The following OSBP2 variants were observed in gnomAD, a reference collection of about 807,000 sequenced individuals.
OSBP2 encodes the protein oxysterol-binding protein 2.
A neutral mutation model predicts 96.0 loss-of-function variants in OSBP2; 66 were observed. The observed-to-expected ratio is 0.69, with a 90% confidence interval of 0.56 to 0.84. The LOEUF is 0.84. OSBP2 is among the 40% of genes least tolerant of loss of function. OSBP2 has a pLI of 0.00. For synonymous variants in OSBP2, 525 were observed against 520.9 expected (o/e 1.01, Z -0.11); for missense variants, 1,038 against 1,222.7 (o/e 0.85, Z 2.25).
chr22:30,716,051 T>A lies in OSBP2; in HGVS notation c.644+20498T>A, dbSNP rs1269946343. Among the ~76,000 whole-genome samples the A allele has an allele frequency of 4.0e-5, 6 of 151,184 alleles. No homozygotes were observed. In the East Asian group the frequency reaches 7.8e-4, roughly 20 times the overall value. On this transcript the variant is annotated intron_variant, in intron 1 of 13. Coordinates refer to ENST00000332585, the MANE Select transcript of OSBP2 (RefSeq NM_030758.4). ...TTCTTTCTTTCTTTCTTTCTTTTTTTTTTTTTTGAGACAGAATCTCGCTCT... is the reference window on the plus strand; with the variant it reads ...TTCTTTCTTTCTTTCTTTCTTTTTTATTTTTTTGAGACAGAATCTCGCTCT...
At chr22:30,724,768 C>T (rs1456838359) in intron 1 of OSBP2, among the ~76,000 whole-genome samples, 2 of 152,188 alleles carry the variant, frequency 1.3e-5, no homozygotes, top group Non-Finnish European at 2.9e-5. Flanking sequence ...GGAACTTGTG[C>T]TTTAGCTTGT....
At chr22:30,883,711 C>T (rs1413915151) in intron 3 of OSBP2, among the ~76,000 whole-genome samples, 2 of 152,200 alleles carry the variant, frequency 1.3e-5, no homozygotes, top group Non-Finnish European at 2.9e-5. Flanking sequence ...GGGTGGGAGT[C>T]TCTGTCTACC....
At chr22:30,884,562 G>A (rs1227256886) in intron 3 of OSBP2, among the ~76,000 whole-genome samples, 1 of 152,222 alleles carries the variant, frequency 6.6e-6, no homozygotes, top group African/African-American at 2.4e-5. Context: ...ACCCTGTGTG[G>A]TGCTTGAGGG....
rs368259138 is a variant in OSBP2, at chr22:30,695,510, C to T, written c.601C>T (p.Arg201Cys). The T allele has an allele frequency of 2.4e-5, 39 of 1,612,392 alleles. No homozygotes were observed. Among genetic ancestry groups the T allele is most frequent in the Non-Finnish European group, 3.1e-5 (37 of 1,180,010 alleles). Residue 201 changes from arginine (R) to cysteine (C), a missense_variant, in exon 1 of 14, where the codon CGC (arginine) becomes TGC (cysteine). Physicochemically the swap from Arg to Cys is radical, Grantham distance 180. Transcript: ENST00000332585. ...GACCAACTATCTGAAGGGCTACCAG[C>T]GCCGCTGGTTCGTGCTGGGCAATGG... ...KWTNYLKGYQRRWFVLGNGLL... is the reference protein window; with the variant it reads ...KWTNYLKGYQCRWFVLGNGLL...
At chr22:30,899,225 A>T (rs537358132) in intron 12 of OSBP2, among the ~76,000 whole-genome samples, 192 of 151,898 alleles carry the variant, frequency 1.3e-3, no homozygotes, top group East Asian at 7.0e-3. Context: ...CAAAAAAAAA[A>T]TTTTTTTAAT....
intron 1 of OSBP2, among the ~76,000 whole-genome samples, chr22:30,709,614 C>G (rs2089312131): frequency 6.6e-6 from 1 of 151,982 alleles, no homozygotes; most frequent in Admixed American, 6.6e-5. Context: ...CTCCCAGATT[C>G]AACCAGTTCT....
Position 30,769,541 on chromosome 22 carries a change from C to T in OSBP2, c.853+28172C>T, listed in dbSNP as rs557310493. 6.6e-5 allele frequency among the ~76,000 whole-genome samples: 10 copies of T among 151,988 alleles called. 1 individual carries two copies. The South Asian group carries it at 8.3e-4, about 13-fold the overall frequency. The stretch of plus-strand genomic sequence containing the variant: ...GCACGCACCTGTAGTCCCAGCTACT[C>T]GGGAGGCTGAGGCAGGAGAATCACT... On this transcript the variant is annotated intron_variant, in intron 2 of 13. Transcript: ENST00000332585.
intron 2 of OSBP2, among the ~76,000 whole-genome samples, chr22:30,861,773 A>G (rs1486766451): frequency 1.3e-5 from 2 of 152,148 alleles, no homozygotes; most frequent in Admixed American, 6.5e-5. Context: ...GGGTTCCCCA[A>G]TCAGGAAGGA....
chr22:30,797,440 A>G (rs920022930), intron 2 of OSBP2, among the ~76,000 whole-genome samples: 5 of 151,570 alleles, frequency 3.3e-5, no homozygotes, highest in South Asian at 2.1e-4. Context: ...GTGCCACCAC[A>G]CCCAGTTAAT....
At chr22:30,696,008 C>T (rs1302409034) in intron 1 of OSBP2, among the ~76,000 whole-genome samples, 1 of 152,162 alleles carries the variant, frequency 6.6e-6, no homozygotes, top group Non-Finnish European at 1.5e-5. Flanking sequence ...TTCTTCCCGC[C>T]TGGGGCAGTT....
chr22:30,878,123 AGAG>A (rs1266797891), intron 3 of OSBP2, among the ~76,000 whole-genome samples: 4 of 152,224 alleles, frequency 2.6e-5, no homozygotes, highest in Non-Finnish European at 1.5e-5. Context: ...GTTGGAGTGA[AGAG>A]GAGGCCAGTC....
At chr22:30,832,742 C>T (rs2038553254) in intron 2 of OSBP2, among the ~76,000 whole-genome samples, 1 of 152,184 alleles carries the variant, frequency 6.6e-6, no homozygotes, top group Non-Finnish European at 1.5e-5. Context: ...TCTCAGGGGC[C>T]TCCGAAACAT....
intron 12 of OSBP2, among the ~76,000 whole-genome samples, chr22:30,901,167 CA>C (rs1340057339): frequency 6.6e-6 from 1 of 152,190 alleles, no homozygotes; most frequent in African/African-American, 2.4e-5. Context: ...CTCCCGGGTT[CA>C]AGCGATTCTC....
chr22:30,830,067 T>C (rs1028333839), intron 2 of OSBP2, among the ~76,000 whole-genome samples: 1 of 152,208 alleles, frequency 6.6e-6, no homozygotes, highest in African/African-American at 2.4e-5. Context: ...CATCTTCTTC[T>C]GACCTCATCA....
At chr22:30,750,015 A>C (rs2145753826) in intron 2 of OSBP2, among the ~76,000 whole-genome samples, 1 of 152,320 alleles carries the variant, frequency 6.6e-6, no homozygotes, top group East Asian at 1.9e-4. Flanking sequence ...AGAGGTGAAG[A>C]ACATAGTGAA....
chr22:30,845,507 A>G (rs965325554), intron 2 of OSBP2, among the ~76,000 whole-genome samples: 1 of 151,978 alleles, frequency 6.6e-6, no homozygotes, highest in Non-Finnish European at 1.5e-5. Flanking sequence ...AAGTGAGCCT[A>G]TGATGTTGAA....
intron 1 of OSBP2, among the ~76,000 whole-genome samples, chr22:30,712,162 C>T (rs1243702059): frequency 6.6e-6 from 1 of 152,134 alleles, no homozygotes; most frequent in Non-Finnish European, 1.5e-5. Context: ...TCTCCTTTAC[C>T]ATTGGTAGTT....
chr22:30,744,708 C>T (rs1297728708), intron 2 of OSBP2, among the ~76,000 whole-genome samples: 2 of 152,118 alleles, frequency 1.3e-5, no homozygotes, highest in Non-Finnish European at 2.9e-5. Context: ...TTGCTGTGAG[C>T]CGAGATCACG....
At chr22:30,893,425 T>G in intron 9 of OSBP2, 38 bp from the exon 10 acceptor site, 2 of 1,568,914 alleles carry the variant, frequency 1.3e-6, no homozygotes, top group Non-Finnish European at 1.8e-6. Context: ...GAGCCCTGCA[T>G]GGGGGGGCAT....
Sources: gnomAD v4.1 joint callset for allele counts (sites outside exome capture counted in the v4.1 genomes callset) on GRCh38, gnomAD v4.1.1 for gene constraint, MANE v1.5 for transcripts, NCBI Gene and HGNC (gene_info 2026-07-23, HGNC 2026-07-21) for gene names.